The following CTNND2 variants were observed in gnomAD, a reference collection of about 807,000 sequenced individuals.
CTNND2 encodes catenin delta-2.
Under a neutral mutation model 144.4 loss-of-function variants are expected in CTNND2, and 22 were observed. The observed-to-expected ratio is 0.15, with a 90% CI of 0.11 to 0.22. The LOEUF (loss-of-function observed/expected upper bound fraction) is 0.22. Ranked by LOEUF, CTNND2 falls within the 10% of genes least tolerant of loss-of-function variation. CTNND2 has a pLI of 1.00. For missense variants in CTNND2, 1,353 were observed against 1,618.8 expected (o/e 0.84, Z 2.82); for synonymous variants, 751 against 695.6 (o/e 1.08, Z -1.25).
At position 11,821,551 on chromosome 5, in the gene CTNND2, T is replaced by A. The variant is rs61761584; in HGVS notation, c.37+82266A>T. On this transcript the variant is annotated intron_variant, in intron 1 of 21. Coordinates refer to ENST00000304623, the MANE Select transcript of CTNND2 (RefSeq NM_001332.4). ...AGCAAAACCAAAAAAAAAAATTTCA[T>A]CTGATCCTGAATTGTATAATCTCTT... Among the ~76,000 whole-genome samples, 3 of 152,276 alleles carry A rather than the reference T, an allele frequency of 2.0e-5. No homozygotes were observed. The East Asian group carries it at 5.8e-4, about 29-fold the overall frequency.
At chr5:11,585,073 C>A (rs768386096) in intron 2 of CTNND2, among the ~76,000 whole-genome samples, 8 of 152,156 alleles carry the variant, frequency 5.3e-5, no homozygotes, top group African/African-American at 1.7e-4. Context: ...GTGGAAGGAA[C>A]AGGCAGAGCA....
chr5:11,554,302 A>C (rs549844819), intron 3 of CTNND2, among the ~76,000 whole-genome samples: 1 of 152,312 alleles, frequency 6.6e-6, no homozygotes, highest in Non-Finnish European at 1.5e-5. Context: ...AAAGAAGCAG[A>C]ATATCAGTTC....
At chr5:11,822,474 A>C (rs1386309426) in intron 1 of CTNND2, among the ~76,000 whole-genome samples, 1 of 152,164 alleles carries the variant, frequency 6.6e-6, no homozygotes, top group Admixed American at 6.5e-5. Context: ...TGAGTACTTT[A>C]TTGTGGTAGG....
At chr5:11,555,545 A>C (rs1473470663) in intron 3 of CTNND2, among the ~76,000 whole-genome samples, 1 of 152,138 alleles carries the variant, frequency 6.6e-6, no homozygotes, top group Non-Finnish European at 1.5e-5. Flanking sequence ...ACCTGACCAG[A>C]AATTTGATGG....
chr5:11,837,701 G>C (rs552676613), intron 1 of CTNND2, among the ~76,000 whole-genome samples: 1 of 152,114 alleles, frequency 6.6e-6, no homozygotes, highest in East Asian at 1.9e-4. Flanking sequence ...TTCTTTCTTT[G>C]TTTTCCCAGC....
chr5:11,676,433 A>T (rs1784177844), intron 2 of CTNND2, among the ~76,000 whole-genome samples: 1 of 152,030 alleles, frequency 6.6e-6, no homozygotes, highest in Non-Finnish European at 1.5e-5. Context: ...GGGGTTAAGG[A>T]GGAGGCCAGT....
At chr5:11,488,649 T>G (rs989239444) in intron 3 of CTNND2, among the ~76,000 whole-genome samples, 3 of 152,190 alleles carry the variant, frequency 2.0e-5, no homozygotes, top group African/African-American at 7.2e-5. Context: ...ACTAGTAGCA[T>G]AATCAAAAGA....
At chr5:11,173,619 T>G (rs1422864808) in intron 11 of CTNND2, among the ~76,000 whole-genome samples, 1 of 152,190 alleles carries the variant, frequency 6.6e-6, no homozygotes, top group Non-Finnish European at 1.5e-5. Context: ...CTGTCATAAT[T>G]GGGTTTTTGT....
chr5:11,411,425 A>G (rs1761519962), intron 5 of CTNND2, 111 bp downstream of exon 5: 4 of 667,650 alleles, frequency 6.0e-6, no homozygotes, highest in Non-Finnish European at 1.1e-5. Context: ...AAGTATAAAA[A>G]TATCCTGAAA....
chr5:11,063,093 T>A (rs1056374638), intron 16 of CTNND2, among the ~76,000 whole-genome samples: 1 of 152,170 alleles, frequency 6.6e-6, no homozygotes, highest in Non-Finnish European at 1.5e-5. Context: ...CAATGAGATA[T>A]TTAAACATCA....
At chr5:11,845,133 CT>C (rs1794673620) in intron 1 of CTNND2, among the ~76,000 whole-genome samples, 2 of 152,164 alleles carry the variant, frequency 1.3e-5, no homozygotes, top group African/African-American at 4.8e-5. Context: ...CTACCATCTA[CT>C]TTTAGGAAGT....
chr5:11,413,737 T>C (rs1761718674), intron 3 of CTNND2, among the ~76,000 whole-genome samples: 2 of 152,164 alleles, frequency 1.3e-5, no homozygotes, highest in Non-Finnish European at 2.9e-5. Context: ...AAACACTAGA[T>C]ACTATTTTCA....
At chr5:11,403,061 G>C (rs1760765921) in intron 5 of CTNND2, among the ~76,000 whole-genome samples, 2 of 151,996 alleles carry the variant, frequency 1.3e-5, no homozygotes, top group African/African-American at 4.8e-5. Context: ...TTTACTTTAA[G>C]TTCTGGGATA....
At chr5:11,667,135 A>G (rs1783611352) in intron 2 of CTNND2, among the ~76,000 whole-genome samples, 1 of 152,106 alleles carries the variant, frequency 6.6e-6, no homozygotes, top group African/African-American at 2.4e-5. Context: ...CATGGTGTCT[A>G]TGTGCCACAT....
At chr5:10,986,778 T>G in intron 20 of CTNND2, 1 of 428,164 alleles carries the variant, frequency 2.3e-6, no homozygotes, top group South Asian at 1.7e-5. Context: ...TTTATTATAG[T>G]TTTCTTTACG....
At chr5:11,702,226 G>C (rs1355688707) in intron 2 of CTNND2, among the ~76,000 whole-genome samples, 1 of 152,198 alleles carries the variant, frequency 6.6e-6, no homozygotes, top group Admixed American at 6.5e-5. Flanking sequence ...TGTACCACAA[G>C]GGTTTGTGGT....
At chr5:11,080,428 G>C (rs1749426055) in intron 16 of CTNND2, among the ~76,000 whole-genome samples, 1 of 152,148 alleles carries the variant, frequency 6.6e-6, no homozygotes, top group African/African-American at 2.4e-5. Context: ...TCTACAAAAA[G>C]CTAAATATAG....
chr5:11,375,462 T>C (rs1024933473), intron 7 of CTNND2, among the ~76,000 whole-genome samples: 1 of 152,222 alleles, frequency 6.6e-6, no homozygotes, highest in African/African-American at 2.4e-5. Context: ...AGGAATTCTG[T>C]TATGTAATAA....
At chr5:11,752,513 A>T (rs1305752168) in intron 1 of CTNND2, among the ~76,000 whole-genome samples, 2 of 146,872 alleles carry the variant, frequency 1.4e-5, no homozygotes, top group South Asian at 4.3e-4. Flanking sequence ...TGGGCTCTCT[A>T]TTCTGTTCCA....
Sources: allele counts gnomAD v4.1 joint callset (sites outside exome capture counted in the v4.1 genomes callset), GRCh38; gene constraint gnomAD v4.1.1; transcripts MANE v1.5; gene names NCBI Gene and HGNC (gene_info 2026-07-23, HGNC 2026-07-21).